The following GNG7 variants were observed in gnomAD, a reference collection of about 807,000 sequenced individuals.
GNG7 encodes the protein guanine nucleotide-binding protein G(I)/G(S)/G(O) subunit gamma-7.
A neutral mutation model predicts 4.0 loss-of-function variants in GNG7; 1 was observed. That is an observed-to-expected ratio of 0.25 (90% confidence interval 0.09 to 1.18). The LOEUF (loss-of-function observed/expected upper bound fraction) is 1.18. GNG7 is among the 50% of genes most tolerant of loss of function. The pLI is 0.50. For synonymous variants in GNG7, 34 were observed against 36.9 expected, an observed-to-expected ratio of 0.92 and a Z score of 0.29; for missense variants, 86 against 91.9, an observed-to-expected ratio of 0.94 and a Z score of 0.26.
At chr19:2,538,852 T>A (rs1978843611) in intron 3 of GNG7, 1 of 276,342 alleles carries the variant, frequency 3.6e-6, no homozygotes, top group Admixed American at 5.0e-5. Flanking sequence ...CACTGCAAAC[T>A]CTGCGTCCTG....
intron 3 of GNG7, among the ~76,000 whole-genome samples, chr19:2,521,653 G>C (rs1324370975): frequency 8.5e-6 from 1 of 118,082 alleles, no homozygotes; most frequent in Non-Finnish European, 1.6e-5. Context: ...TTGCTCTGTT[G>C]CCCAGGCTGG....
At chr19:2,562,935 T>C (rs1324168104) in intron 2 of GNG7, among the ~76,000 whole-genome samples, 1 of 130,162 alleles carries the variant, frequency 7.7e-6, no homozygotes, top group Non-Finnish European at 1.7e-5. Flanking sequence ...AGATTCAATC[T>C]TTTTCTTTTT....
At chr19:2,597,383 G>A (rs1209715360) in intron 2 of GNG7, among the ~76,000 whole-genome samples, 2 of 152,012 alleles carry the variant, frequency 1.3e-5, no homozygotes, top group Non-Finnish European at 2.9e-5. Context: ...GATCACCTAA[G>A]GTCAGGAGTT....
In GNG7 at chr19:2,617,024, C is replaced by T. The variant is rs1263550146; in HGVS notation, c.-78+29200G>A. The stretch of plus-strand genomic sequence containing the variant: ...GCATGAAAGCTTTGCACCAGCCTTC[C>T]ACCAGTGTGCTGCCCAGCACGTGAC... On this transcript the variant is annotated intron_variant, in intron 2 of 4. Coordinates refer to ENST00000382159, the MANE Select transcript of GNG7 (RefSeq NM_052847.3). This position sits in a 1 kb window ranked among gnomAD's most constrained non-coding sequence, Gnocchi z 4.7. Among the ~76,000 whole-genome samples, 1 of 152,196 alleles carries T rather than the reference C, an allele frequency of 6.6e-6. No homozygotes were observed. Among genetic ancestry groups the T allele is most frequent in the East Asian group, 1.9e-4 (1 of 5,196 alleles).
intron 3 of GNG7, among the ~76,000 whole-genome samples, chr19:2,529,649 G>C (rs1471083565): frequency 6.6e-6 from 1 of 152,230 alleles, no homozygotes; most frequent in African/African-American, 2.4e-5. Context: ...GACCAGTCAT[G>C]CTTAGATCAT....
intron 2 of GNG7, among the ~76,000 whole-genome samples, chr19:2,629,470 C>T (rs1482167302): frequency 1.3e-5 from 2 of 152,092 alleles, no homozygotes; most frequent in East Asian, 1.9e-4. Context: ...GGCGCCCACA[C>T]GAATAGGAGG....
intron 1 of GNG7, among the ~76,000 whole-genome samples, chr19:2,658,566 G>A (rs1983056697): frequency 1.3e-5 from 2 of 151,822 alleles, no homozygotes; most frequent in Admixed American, 6.6e-5. Flanking sequence ...ATTATGCCAC[G>A]GAATATGATT....
intron 3 of GNG7, among the ~76,000 whole-genome samples, chr19:2,531,631 C>T (rs1978589446): frequency 6.6e-6 from 1 of 150,526 alleles, no homozygotes; most frequent in Non-Finnish European, 1.5e-5. Context: ...ATTAGCCAGG[C>T]TTGGTGGCAG....
chr19:2,539,815 C>G (rs12977855), intron 3 of GNG7, among the ~76,000 whole-genome samples: 3 of 151,108 alleles, frequency 2.0e-5, no homozygotes, highest in African/African-American at 7.3e-5. Flanking sequence ...TAAATACACA[C>G]CATCGCAGGA....
intron 1 of GNG7, among the ~76,000 whole-genome samples, chr19:2,686,180 CAG>C (rs1983865577): frequency 6.7e-6 from 1 of 148,992 alleles, no homozygotes; most frequent in South Asian, 2.1e-4. Flanking sequence ...TTTTTTGAGA[CAG>C]AGTCTCACGC....
chr19:2,650,665 G>C (rs948617330), intron 1 of GNG7, among the ~76,000 whole-genome samples: 2 of 152,206 alleles, frequency 1.3e-5, no homozygotes, highest in African/African-American at 4.8e-5. Flanking sequence ...TCAGAGGCGA[G>C]CACAGCGTGG....
chr19:2,661,264 A>AG (rs1568277632), intron 1 of GNG7, among the ~76,000 whole-genome samples: 7 of 66,370 alleles, frequency 1.1e-4, no homozygotes, highest in Admixed American at 1.7e-4. Context: ...AAAGAAAGAA[A>AG]GAAAGAAAAG....
intron 2 of GNG7, chr19:2,642,501 G>A: frequency 2.9e-6 from 1 of 346,296 alleles, no homozygotes; most frequent in Non-Finnish European, 5.7e-6. Context: ...CAGTAGCTGG[G>A]ATTTCAGGTG....
At chr19:2,692,492 G>T (rs148997151) in intron 1 of GNG7, among the ~76,000 whole-genome samples, 1 of 151,932 alleles carries the variant, frequency 6.6e-6, no homozygotes, top group Admixed American at 6.6e-5. Context: ...AAAATCAGCC[G>T]GGTGTGGTGG....
At chr19:2,670,760 CCCA>C (rs1649987726) in intron 1 of GNG7, among the ~76,000 whole-genome samples, 1 of 150,192 alleles carries the variant, frequency 6.7e-6, no homozygotes, top group African/African-American at 2.4e-5. Flanking sequence ...CGCCCCGCCC[CCCA>C]CAAGTTGTGA....
intron 2 of GNG7, among the ~76,000 whole-genome samples, chr19:2,601,676 G>A (rs1032031740): frequency 6.6e-6 from 1 of 152,062 alleles, no homozygotes; most frequent in Admixed American, 6.6e-5. Context: ...CACGTTGGGA[G>A]GCCGGGGCAG....
intron 2 of GNG7, among the ~76,000 whole-genome samples, chr19:2,592,162 T>C (rs1201801039): frequency 6.6e-6 from 1 of 152,198 alleles, no homozygotes; most frequent in Non-Finnish European, 1.5e-5. Context: ...TATTTGGATG[T>C]AAGAAAAACT....
chr19:2,690,350 C>T (rs1378208778), intron 1 of GNG7, among the ~76,000 whole-genome samples: 1 of 152,056 alleles, frequency 6.6e-6, no homozygotes, highest in Non-Finnish European at 1.5e-5. Flanking sequence ...CACTGCACTC[C>T]AACCTAGGTG....
intron 1 of GNG7, among the ~76,000 whole-genome samples, chr19:2,676,253 G>C (rs750856019): frequency 6.6e-6 from 1 of 152,146 alleles, no homozygotes; most frequent in Non-Finnish European, 1.5e-5. Flanking sequence ...CTGTGGTTTT[G>C]AGCCATGCAG....
Sources: allele counts gnomAD v4.1 joint callset (sites outside exome capture counted in the v4.1 genomes callset), GRCh38; gene constraint gnomAD v4.1.1; non-coding constraint Gnocchi (gnomAD v3.1); transcripts MANE v1.5; gene names NCBI Gene and HGNC (gene_info 2026-07-23, HGNC 2026-07-21).